WARS2: variants seen among roughly 807,000 people sequenced by gnomAD.
WARS2 encodes tryptophan--tRNA ligase, mitochondrial.
Under a neutral mutation model 36.5 loss-of-function variants are expected in WARS2, and 28 were observed. That is an observed-to-expected ratio of 0.77 (90% CI 0.57 to 1.05). The LOEUF (loss-of-function observed/expected upper bound fraction) is 1.05, where lower values mean the gene tolerates loss of function less well. Among genes scored for constraint, WARS2 ranks in the 50% least tolerant of loss-of-function variants. The pLI, the probability that WARS2 is intolerant of heterozygous loss-of-function variation, is 0.00. For missense variants in WARS2, 435 were observed against 456.8 expected (o/e 0.95, Z 0.44); for synonymous variants, 174 against 178.4 (o/e 0.98, Z 0.20).
chr1:119,136,741 G>T (rs1338634408), intron 1 of WARS2, among the ~76,000 whole-genome samples: 2 of 152,190 alleles, frequency 1.3e-5, no homozygotes, highest in Admixed American at 1.3e-4. Flanking sequence ...AATACTAATT[G>T]CAAAATATGG....
intron 2 of WARS2, among the ~76,000 whole-genome samples, chr1:119,059,007 G>T (rs1650128762): frequency 1.3e-5 from 2 of 152,102 alleles, no homozygotes; most frequent in African/African-American, 2.4e-5. Context: ...CATTCTAACT[G>T]GTGTGAGATA....
rs770235637 is a variant in WARS2, at chr1:119,032,155, A to G, written c.*756T>C. 6.6e-6 allele frequency: 1 copy of G among 152,158 alleles called. No homozygotes were observed. Among genetic ancestry groups the G allele is most frequent in the Non-Finnish European group, 1.5e-5 (1 of 68,018 alleles). The allele number at this position is 152,158 out of a possible 1,614,324, so 9.4% of individuals were successfully genotyped here. On this transcript the variant is annotated 3_prime_UTR_variant, in exon 6 of 6. Coordinates refer to ENST00000235521, the MANE Select transcript of WARS2 (RefSeq NM_015836.4). ...CAGCCTCACTTTCCTCATGTGTAAAATGACAATAATTCTCCTAATTCATAG... is the reference window on the plus strand; with the variant it reads ...CAGCCTCACTTTCCTCATGTGTAAAGTGACAATAATTCTCCTAATTCATAG...
Position 119,033,167 on chromosome 1 carries a change from A to C in WARS2, c.827T>G (p.Val276Gly). The C allele has an allele frequency of 6.2e-7, 1 of 1,614,182 alleles. No individual in the cohort carries two copies. Among genetic ancestry groups the C allele is most frequent in the Non-Finnish European group, 8.5e-7 (1 of 1,180,036 alleles). The stretch of plus-strand genomic sequence containing the variant: ...CCCCGTCACCGCGGCATGCACCGCC[A>C]CTATGTTGGACACGCCAGCGCGGCC... ...PAGRAGVSNI[V>G]AVHAAVTGLS... The change falls in exon 6 of 6, where the codon GTG (valine) becomes GGG (glycine). Residue 276 changes from valine to glycine, a missense_variant. Coordinates refer to ENST00000235521, the MANE Select transcript of WARS2 (RefSeq NM_015836.4).
chr1:119,065,207 TATCAC>T (rs1313997095), intron 2 of WARS2, among the ~76,000 whole-genome samples: 2 of 152,168 alleles, frequency 1.3e-5, no homozygotes, highest in Non-Finnish European at 2.9e-5. Context: ...TACTATAACA[TATCAC>T]AACTTTGTCA....
At chr1:119,056,548 T>TAC in intron 2 of WARS2, among the ~76,000 whole-genome samples, 1 of 143,412 alleles carries the variant, frequency 7.0e-6, no homozygotes, top group Non-Finnish European at 1.5e-5. Flanking sequence ...TATATATATA[T>TAC]ACTAAATATA....
intron 1 of WARS2, chr1:119,085,226 G>A (rs1333087209): frequency 2.4e-6 from 2 of 847,048 alleles, no homozygotes; most frequent in Admixed American, 1.8e-5. Context: ...GCTCGTGCTT[G>A]GGTTTCCCCT....
At chr1:119,110,490 A>G (rs1161498085) in intron 1 of WARS2, among the ~76,000 whole-genome samples, 1 of 152,056 alleles carries the variant, frequency 6.6e-6, no homozygotes, top group Non-Finnish European at 1.5e-5. Flanking sequence ...AAGAGAAGTC[A>G]ATTGTAATTC....
intron 1 of WARS2, among the ~76,000 whole-genome samples, chr1:119,081,517 C>G (rs929662995): frequency 8.5e-5 from 13 of 152,158 alleles, no homozygotes; most frequent in Admixed American, 7.9e-4. Context: ...ACAAACTTGG[C>G]TCAATGGCCA....
chr1:119,135,759 T>TAG lies in WARS2; in HGVS notation c.90+4794_90+4795dup, dbSNP rs71586673. Among the ~76,000 whole-genome samples, 502 of 146,410 alleles carry TAG rather than the reference T, an allele frequency of 3.4e-3. 2 individuals carry two copies. The highest frequency in any genetic ancestry group is 7.2e-3 in the Middle Eastern group (2 of 278). On this transcript the variant is annotated intron_variant, in intron 1 of 5. Transcript: ENST00000235521. ...ATAGATAGATAGATAGATAGAGAGA[T>TAG]AGAGAGAGAGAGAGAGATGGGTTTT...
intron 1 of WARS2, among the ~76,000 whole-genome samples, chr1:119,099,453 CTT>C (rs1653700673): frequency 1.3e-5 from 2 of 152,094 alleles, no homozygotes; most frequent in Admixed American, 6.5e-5. Flanking sequence ...AATCTAGTTC[CTT>C]TTCTGCTCAC....
At chr1:119,035,057 G>A (rs1647758391) in intron 4 of WARS2, among the ~76,000 whole-genome samples, 1 of 152,210 alleles carries the variant, frequency 6.6e-6, no homozygotes, top group Non-Finnish European at 1.5e-5. Context: ...AAATGAAGAT[G>A]TGAAACCAAA....
At chr1:119,058,441 A>T in intron 2 of WARS2, among the ~76,000 whole-genome samples, 1 of 138,260 alleles carries the variant, frequency 7.2e-6, no homozygotes, top group African/African-American at 2.9e-5. Context: ...TATATCTCCC[A>T]ATGCTATCCC....
chr1:119,071,971 G>C (rs1467539481), intron 2 of WARS2, among the ~76,000 whole-genome samples: 2 of 151,910 alleles, frequency 1.3e-5, no homozygotes, highest in Non-Finnish European at 2.9e-5. Context: ...CTGTTAAAAA[G>C]AAGAAAAAGA....
At chr1:119,097,153 G>A (rs929903076) in intron 1 of WARS2, among the ~76,000 whole-genome samples, 5 of 152,138 alleles carry the variant, frequency 3.3e-5, no homozygotes, top group African/African-American at 7.2e-5. Context: ...TAAAAACAAT[G>A]CTATTGAAAT....
chr1:119,037,435 G>C (rs1398410327), intron 4 of WARS2, among the ~76,000 whole-genome samples: 3 of 152,150 alleles, frequency 2.0e-5, no homozygotes, highest in Non-Finnish European at 4.4e-5. Flanking sequence ...GGCTGTGTTT[G>C]TAAGTTTTCA....
chr1:119,075,869 C>T (rs1286745078), intron 2 of WARS2, among the ~76,000 whole-genome samples: 2 of 150,288 alleles, frequency 1.3e-5, no homozygotes, highest in African/African-American at 2.4e-5. Flanking sequence ...CCAACTTGTG[C>T]TATCAAATCT....
At position 119,132,260 on chromosome 1, in the gene WARS2, G is replaced by A. The variant is rs587760587; in HGVS notation, c.90+8295C>T. Among the ~76,000 whole-genome samples the A allele has an allele frequency of 2.6e-5, 4 of 152,270 alleles. No homozygotes were observed. In the South Asian group the frequency reaches 8.3e-4, roughly 32 times the overall value. ...TTCCCCCACTTCCTCTTAATGAAGA[G>A]CCAGTCAACTTATTGAGTCTGGATG... On this transcript the variant is annotated intron_variant, in intron 1 of 5. Coordinates refer to ENST00000235521, the MANE Select transcript of WARS2 (RefSeq NM_015836.4).
chr1:119,091,004 T>C (rs1653007206), intron 1 of WARS2, among the ~76,000 whole-genome samples: 1 of 152,224 alleles, frequency 6.6e-6, no homozygotes, highest in African/African-American at 2.4e-5. Flanking sequence ...ACCATTTTCA[T>C]TTTAAATAAT....
At chr1:119,040,300 G>T (rs1015770182) in intron 4 of WARS2, among the ~76,000 whole-genome samples, 1 of 152,202 alleles carries the variant, frequency 6.6e-6, no homozygotes, top group Non-Finnish European at 1.5e-5. Context: ...AATTAAAGAA[G>T]AGGCTCCTTA....
Sources: allele counts gnomAD v4.1 joint callset (sites outside exome capture counted in the v4.1 genomes callset), GRCh38; gene constraint gnomAD v4.1.1; transcripts MANE v1.5; gene names NCBI Gene and HGNC (gene_info 2026-07-23, HGNC 2026-07-21).